The following BTRC variants were observed in gnomAD, a reference collection of about 807,000 sequenced individuals.
BTRC encodes the protein F-box/WD repeat-containing protein 1A.
Under a neutral mutation model 85.5 loss-of-function variants are expected in BTRC, and 42 were observed. The observed-to-expected ratio is 0.49, with a 90% CI of 0.38 to 0.64. The LOEUF (loss-of-function observed/expected upper bound fraction) is 0.64. Ranked by LOEUF, BTRC falls within the 30% of genes least tolerant of loss-of-function variation. The probability of loss-of-function intolerance (pLI) is 0.00; values close to 1 mark genes in which losing one functional copy is unlikely to be tolerated. For synonymous variants in BTRC, 255 were observed against 263.3 expected (o/e 0.97, Z 0.30); for missense variants, 594 against 743.5 (o/e 0.80, Z 2.34).
At chr10:101,475,272 G>T (rs1188368111) in intron 3 of BTRC, among the ~76,000 whole-genome samples, 1 of 152,176 alleles carries the variant, frequency 6.6e-6, no homozygotes, top group African/African-American at 2.4e-5. Flanking sequence ...GGGCGTGGTG[G>T]CTCACGCCTG....
At chr10:101,388,552 T>C (rs1042834994) in intron 1 of BTRC, among the ~76,000 whole-genome samples, 4 of 151,916 alleles carry the variant, frequency 2.6e-5, no homozygotes, top group Admixed American at 1.3e-4. Context: ...GGCAGTGGCA[T>C]GATCTCAGCT....
At chr10:101,502,505 A>G (rs1475614619) in intron 4 of BTRC, among the ~76,000 whole-genome samples, 1 of 152,078 alleles carries the variant, frequency 6.6e-6, no homozygotes, top group South Asian at 2.1e-4. Flanking sequence ...ACATTAACCT[A>G]CTGTTAGTCT....
At chr10:101,519,456 G>A (rs571394541) in intron 4 of BTRC, among the ~76,000 whole-genome samples, 2 of 152,060 alleles carry the variant, frequency 1.3e-5, no homozygotes, top group Non-Finnish European at 2.9e-5. Flanking sequence ...CTTACTGGCT[G>A]TCAGCTGGGG....
In BTRC at chr10:101,482,437, C is replaced by G. The variant is rs1382828583; in HGVS notation, c.324+2980C>G. Among the ~76,000 whole-genome samples, 3 of 146,550 alleles carry G rather than the reference C, an allele frequency of 2.0e-5. No individual in the cohort carries two copies. The Admixed American group carries it at 2.1e-4, about 10-fold the overall frequency. On this transcript the variant is annotated intron_variant, in intron 4 of 14. Coordinates refer to ENST00000370187, the MANE Select transcript of BTRC (RefSeq NM_033637.4). ...TTGAGACGGAGTCTTGCTCTGTCACCCAGGTTGGAGTGCAGTGGCATGATC... is the reference window on the plus strand; with the variant it reads ...TTGAGACGGAGTCTTGCTCTGTCACGCAGGTTGGAGTGCAGTGGCATGATC...
chr10:101,544,596 G>T (rs1438369749), intron 13 of BTRC, among the ~76,000 whole-genome samples: 3 of 151,856 alleles, frequency 2.0e-5, no homozygotes, highest in Non-Finnish European at 4.4e-5. Context: ...TTTAGAGATA[G>T]GGTCTCATTG....
Position 101,556,027 on chromosome 10 carries a change from G to A in BTRC, c.*2904G>A, listed in dbSNP as rs1444946109. 1 of 152,180 alleles carries A rather than the reference G, an allele frequency of 6.6e-6. No homozygotes were observed. The highest frequency in any genetic ancestry group is 2.4e-5 in the African/African-American group (1 of 41,432). 9.4% of individuals were successfully genotyped at this position (152,180 alleles called of 1,614,324 possible). A position where few individuals can be genotyped will look rare whatever the true frequency, so the allele number is the denominator to read the frequency against. On this transcript the variant is annotated 3_prime_UTR_variant, in exon 15 of 15. Coordinates refer to ENST00000370187, the MANE Select transcript of BTRC (RefSeq NM_033637.4). ...AAAGGATGTGAATCATGGATGGAAG[G>A]CCATTTGTACATGTCCCTTGGCAAA...
intron 1 of BTRC, among the ~76,000 whole-genome samples, chr10:101,416,815 G>T (rs1478186301): frequency 6.6e-6 from 1 of 151,956 alleles, no homozygotes; most frequent in African/African-American, 2.4e-5. Context: ...TGTATTAGTT[G>T]TTCTCTCTCT....
chr10:101,355,746 T>C (rs1942016219), intron 1 of BTRC, among the ~76,000 whole-genome samples: 1 of 152,224 alleles, frequency 6.6e-6, no homozygotes, highest in South Asian at 2.1e-4. Context: ...ACTGCCCCAT[T>C]TATAAGAATA....
At chr10:101,415,047 A>G (rs944056315) in intron 1 of BTRC, among the ~76,000 whole-genome samples, 4 of 152,162 alleles carry the variant, frequency 2.6e-5, no homozygotes, top group African/African-American at 4.8e-5. Context: ...TATAAAGTCT[A>G]TAGTAGTGTA....
chr10:101,532,731 G>A (rs2134413287), intron 8 of BTRC, among the ~76,000 whole-genome samples: 1 of 150,028 alleles, frequency 6.7e-6, no homozygotes, highest in African/African-American at 2.4e-5. Context: ...ATAAAAGTTT[G>A]CATTAGTACT....
intron 1 of BTRC, among the ~76,000 whole-genome samples, chr10:101,385,303 C>T (rs12784425): frequency 0.28 from 40,237 of 146,296 alleles, 6,625 homozygotes; most frequent in South Asian, 0.41. Context: ...GGAGGTGGAG[C>T]TTGCAGTGAG....
intron 2 of BTRC, among the ~76,000 whole-genome samples, chr10:101,451,679 C>T (rs1246997880): frequency 1.3e-5 from 2 of 152,144 alleles, no homozygotes; most frequent in African/African-American, 4.8e-5. Flanking sequence ...CCTAGTTTCC[C>T]TCAAGCTCAT....
chr10:101,505,474 G>A (rs1488868496), intron 4 of BTRC, among the ~76,000 whole-genome samples: 1 of 151,468 alleles, frequency 6.6e-6, no homozygotes, highest in Non-Finnish European at 1.5e-5. Flanking sequence ...AAAAAAATTA[G>A]CCGGGCGTGG....
chr10:101,494,837 A>C (rs1225135800), intron 4 of BTRC, among the ~76,000 whole-genome samples: 2 of 152,218 alleles, frequency 1.3e-5, no homozygotes, highest in Admixed American at 1.3e-4. Context: ...TTACAGCATC[A>C]CATCTAAATT....
At chr10:101,392,567 T>TTGGCTCA (rs1478499045) in intron 1 of BTRC, among the ~76,000 whole-genome samples, 1 of 152,186 alleles carries the variant, frequency 6.6e-6, no homozygotes, top group Non-Finnish European at 1.5e-5. Context: ...CGGCATGGTC[T>TTGGCTCA]TGGCTCACTG....
rs182764669 is a variant in BTRC at position 101,421,769 on chromosome 10, G to T, written c.49-8576G>T. On this transcript the variant is annotated intron_variant, in intron 1 of 14. Coordinates refer to ENST00000370187, the MANE Select transcript of BTRC (RefSeq NM_033637.4). Reference sequence around the variant, plus strand: ...AGTTTGCTGAGAATGATGGTTTCCAGCTTCATCCATGTCCCTACAAAGGGC... The same window carrying T: ...AGTTTGCTGAGAATGATGGTTTCCATCTTCATCCATGTCCCTACAAAGGGC... Among the ~76,000 whole-genome samples the T allele has an allele frequency of 2.2e-4, 33 of 151,490 alleles. No homozygotes were observed. The East Asian group carries it at 6.2e-3, about 29-fold the overall frequency.
intron 4 of BTRC, among the ~76,000 whole-genome samples, chr10:101,519,372 A>AC (rs1004200176): frequency 4.6e-5 from 7 of 151,850 alleles, no homozygotes; most frequent in African/African-American, 1.7e-4. Context: ...GAGCCACCAC[A>AC]CCCGGCCCTC....
intron 11 of BTRC, among the ~76,000 whole-genome samples, chr10:101,536,091 T>C (rs1589612243): frequency 1.3e-5 from 2 of 152,386 alleles, no homozygotes; most frequent in African/African-American, 4.8e-5. Flanking sequence ...TTTGCATTTC[T>C]ATTCTCTGAG....
At chr10:101,431,898 A>G (rs1357609169) in intron 2 of BTRC, among the ~76,000 whole-genome samples, 31 of 152,164 alleles carry the variant, frequency 2.0e-4, no homozygotes, top group Non-Finnish European at 2.9e-5. Flanking sequence ...ATGAGATACA[A>G]TATAGTAAAG....
Sources: allele counts gnomAD v4.1 joint callset (sites outside exome capture counted in the v4.1 genomes callset), GRCh38; gene constraint gnomAD v4.1.1; transcripts MANE v1.5; gene names NCBI Gene and HGNC (gene_info 2026-07-23, HGNC 2026-07-21).